The following ROS1 variants were observed in gnomAD, a reference collection of about 807,000 sequenced individuals.
ROS1 encodes ROS proto-oncogene 1, receptor tyrosine kinase.
In ROS1, 263 loss-of-function variants were observed where a neutral mutation model predicts 273.5. The ratio of observed to expected loss-of-function variants is 0.96; its 90% CI spans 0.87 to 1.06. ROS1 has a LOEUF of 1.06. Ranked by LOEUF, ROS1 falls within the 50% of genes least tolerant of loss-of-function variation. The pLI is 0.00. For synonymous variants in ROS1, 1,008 were observed against 954.1 expected (o/e 1.06, Z -1.04); for missense variants, 2,833 against 2,751.1 (o/e 1.03, Z -0.67).
chr6:117,400,010 T>A (rs1284595090), intron 7 of ROS1, among the ~76,000 whole-genome samples: 1 of 152,192 alleles, frequency 6.6e-6, no homozygotes. Flanking sequence ...CCCAGGACAT[T>A]TAAGATTCTT....
At chr6:117,410,367 G>A (rs767267095) in intron 4 of ROS1, among the ~76,000 whole-genome samples, 8 of 151,950 alleles carry the variant, frequency 5.3e-5, no homozygotes, top group Admixed American at 1.3e-4. Context: ...TATATATCCC[G>A]GTCTTCCTTG....
At chr6:117,360,092 G>T in intron 23 of ROS1, 81 bp from the exon 24 acceptor site, 1 of 1,147,138 alleles carries the variant, frequency 8.7e-7, no homozygotes, top group Non-Finnish European at 1.3e-6. Context: ...ATATCTGGCA[G>T]TTTTGAAGTC....
intron 38 of ROS1, 50 bp downstream of exon 38, chr6:117,318,138 C>A (rs3777966): frequency 3.3e-5 from 45 of 1,360,556 alleles, no homozygotes; most frequent in Non-Finnish European, 4.7e-5. Context: ...ATAAGTCAAG[C>A]GGACTTAAAA....
At chr6:117,421,702 T>C (rs565773859) in intron 1 of ROS1, among the ~76,000 whole-genome samples, 2 of 152,318 alleles carry the variant, frequency 1.3e-5, no homozygotes, top group South Asian at 4.1e-4. Context: ...AGTGGCTGTT[T>C]ATATTCTAAA....
chr6:117,342,367 G>T, intron 29 of ROS1, 33 bp downstream of exon 29: 2 of 1,596,570 alleles, frequency 1.3e-6, no homozygotes, highest in Non-Finnish European at 1.7e-6. Flanking sequence ...ACAATATTCT[G>T]CTTGAGAAAC....
intron 6 of ROS1, 26 bp from the exon 7 acceptor site, chr6:117,403,303 A>G: frequency 6.2e-7 from 1 of 1,604,726 alleles, no homozygotes; most frequent in Non-Finnish European, 8.5e-7. Flanking sequence ...ATCAATCATC[A>G]GCATTATAGA....
chr6:117,383,322 T>C lies in ROS1; in HGVS notation c.2476A>G (p.Lys826Glu), dbSNP rs1454855400. The change falls in exon 17 of 44, where the codon AAA becomes GAA. Residue 826 changes from lysine to glutamate, a missense_variant. Physicochemically the swap from Lys to Glu is moderately conservative, Grantham distance 56. Coordinates refer to ENST00000368507, the MANE Select transcript of ROS1 (RefSeq NM_001378902.1). ...VLQTQPWFSG[K>E]KVIALTLDLS... ...CAGATCTTTTAATTTGTCACCTTTT[T>C]CCCAGAAAACCAAGGCTGTGTCTGT... 8.1e-6 allele frequency: 13 copies of C among 1,611,862 alleles called. No individual in the cohort carries two copies. Among genetic ancestry groups the C allele is most frequent in the Non-Finnish European group, 1.1e-5 (13 of 1,178,142 alleles).
intron 5 of ROS1, among the ~76,000 whole-genome samples, chr6:117,409,023 A>G (rs1774666686): frequency 2.2e-5 from 3 of 134,974 alleles, no homozygotes; most frequent in Non-Finnish European, 3.1e-5. Flanking sequence ...ATGAGAACAC[A>G]TGGACACAGG....
Position 117,385,716 on chromosome 6 carries a change from AC to A in ROS1, c.2255del (p.Gly752ValfsTer12). 1 of 1,613,802 alleles carries A rather than the reference AC, an allele frequency of 6.2e-7. No individual in the cohort carries two copies. Among genetic ancestry groups the A allele is most frequent in the South Asian group, 1.1e-5 (1 of 91,076 alleles). On this transcript the variant is annotated frameshift_variant, in exon 16 of 44. Coordinates refer to ENST00000368507, the MANE Select transcript of ROS1 (RefSeq NM_001378902.1). LOFTEE classifies it high-confidence loss of function. ...GAGALAFEWL[G>X]HFLYWAGKTY... ...TCTTTCCAGCCCAGTAGAGAAAGTG[AC>A]CCAGCCACTCAAAAGCTAAAGCCCC...
intron 1 of ROS1, among the ~76,000 whole-genome samples, chr6:117,423,438 C>T (rs1328467099): frequency 3.9e-5 from 6 of 152,094 alleles, no homozygotes; most frequent in African/African-American, 7.2e-5. Flanking sequence ...ATGATTCAAC[C>T]GTGAATTCTT....
chr6:117,408,782 C>A (rs1774645478), intron 5 of ROS1, among the ~76,000 whole-genome samples: 1 of 152,078 alleles, frequency 6.6e-6, no homozygotes, highest in Non-Finnish European at 1.5e-5. Context: ...TATTGCAGCA[C>A]TATTCACAAC....
intron 35 of ROS1, among the ~76,000 whole-genome samples, chr6:117,323,650 A>G (rs1287555299): frequency 6.6e-6 from 1 of 152,172 alleles, no homozygotes; most frequent in Non-Finnish European, 1.5e-5. Context: ...TGATAACTCT[A>G]AAAGTCCAAT....
rs140511382 is a variant in ROS1 at position 117,383,437 on chromosome 6, C to T, written c.2361G>A (p.Met787Ile). ...GATATCCACCAACTGAATCCACCACCATGTCATTCACCAATAGCTTCACGT... is the reference window on the plus strand; with the variant it reads ...GATATCCACCAACTGAATCCACCACTATGTCATTCACCAATAGCTTCACGT... ...VTHVKLLVND[M>I]VVDSVGGYLY... Residue 787 changes from methionine (M) to isoleucine (I), a missense_variant, in exon 17 of 44, where the codon ATG becomes ATA. Transcript: ENST00000368507. The T allele has an allele frequency of 1.9e-6, 3 of 1,613,948 alleles. No individual in the cohort carries two copies. Among genetic ancestry groups the T allele is most frequent in the South Asian group, 1.1e-5 (1 of 91,068 alleles).
At chr6:117,327,745 GA>G (rs1330626511) in intron 33 of ROS1, among the ~76,000 whole-genome samples, 1 of 152,174 alleles carries the variant, frequency 6.6e-6, no homozygotes, top group Non-Finnish European at 1.5e-5. Flanking sequence ...ACCTTGTTTA[GA>G]AATAAGATCT....
intron 39 of ROS1, among the ~76,000 whole-genome samples, chr6:117,312,944 C>T (rs1156829530): frequency 6.6e-6 from 1 of 152,086 alleles, no homozygotes; most frequent in African/African-American, 2.4e-5. Flanking sequence ...CCATGAAGCC[C>T]TCTCAGGTTT....
Position 117,389,499 on chromosome 6 carries a change from A to G in ROS1, c.1637T>C (p.Ile546Thr), listed in dbSNP as rs1378148607. 6.8e-6 allele frequency: 11 copies of G among 1,614,078 alleles called. No individual in the cohort carries two copies. The highest frequency in any genetic ancestry group is 2.7e-5 in the African/African-American group (2 of 74,938). ...EFIVGCDLSH[I>T]EEFGFGNLVI... ...CAAGTTACCAAACCCAAATTCTTCT[A>G]TGTGACTCAGGTCACATCCCACGAT... Residue 546 changes from isoleucine (I) to threonine (T), a missense_variant, in exon 13 of 44, where the codon ATA (isoleucine) becomes ACA (threonine). By Grantham distance (89) the Ile-to-Thr change is moderately conservative. Transcript: ENST00000368507.
intron 10 of ROS1, 115 bp from the exon 11 acceptor site, chr6:117,394,461 T>C (rs1040694325): frequency 4.8e-6 from 4 of 835,106 alleles, no homozygotes; most frequent in Non-Finnish European, 6.6e-6. Context: ...AAGTATTTTA[T>C]TTTAAAAGAA....
In ROS1 at chr6:117,360,447, C is replaced by T. The variant is rs367894887; in HGVS notation, c.3367-42G>A. On this transcript the variant is annotated intron_variant, in intron 22 of 43. Coordinates refer to ENST00000368507, the MANE Select transcript of ROS1 (RefSeq NM_001378902.1). ...AAAAATTGCATTCAGTAGTGTTCTC[C>T]GTGGCAACAATTAAGTTCTGAGACT... is the stretch of plus-strand genomic sequence containing the variant. The T allele has an allele frequency of 6.5e-5, 90 of 1,386,692 alleles. 1 individual carries two copies. Among genetic ancestry groups the T allele is most frequent in the Middle Eastern group, 3.6e-4 (2 of 5,616 alleles). The allele number at this position is 1,386,692 out of a possible 1,614,324, so 85.9% of individuals were successfully genotyped here. A position where few individuals can be genotyped will look rare whatever the true frequency, so the allele number is the denominator to read the frequency against.
chr6:117,373,726 G>A (rs927620912), intron 18 of ROS1, among the ~76,000 whole-genome samples: 1 of 152,196 alleles, frequency 6.6e-6, no homozygotes, highest in Non-Finnish European at 1.5e-5. Flanking sequence ...CCCAGAGAGG[G>A]GCTACCACAG....
Sources: allele counts gnomAD v4.1 joint callset (sites outside exome capture counted in the v4.1 genomes callset), GRCh38; gene constraint gnomAD v4.1.1; transcripts MANE v1.5; gene names NCBI Gene and HGNC (gene_info 2026-07-23, HGNC 2026-07-21).